Variants in UNC80 observed in about 807,000 individuals in gnomAD.
UNC80 encodes unc-80 subunit of NALCN channel complex, also known as protein unc-80 homolog.
A neutral mutation model predicts 384.6 loss-of-function variants in UNC80; 164 were observed. That is an observed-to-expected ratio of 0.43 (90% confidence interval 0.38 to 0.49). UNC80 has a LOEUF of 0.49. UNC80 is among the 20% of genes least tolerant of loss of function. The pLI is 0.00. For synonymous variants in UNC80, 1,486 were observed against 1,527.8 expected (o/e 0.97, Z 0.64); for missense variants, 3,330 against 4,143.0 (o/e 0.80, Z 5.39).
chr2:209,841,653 C>G (rs1162242048), intron 20 of UNC80, among the ~76,000 whole-genome samples: 1 of 152,042 alleles, frequency 6.6e-6, no homozygotes, highest in Non-Finnish European at 1.5e-5. Flanking sequence ...CCCAGCCAAA[C>G]CAGTTTTCTT....
chr2:209,946,873 A>T (rs2091938244), intron 47 of UNC80, among the ~76,000 whole-genome samples: 2 of 152,214 alleles, frequency 1.3e-5, no homozygotes, highest in Non-Finnish European at 2.9e-5. Context: ...TCTCTCTCCC[A>T]TAAGAGAATG....
At chr2:209,946,072 A>G (rs2091900282) in intron 47 of UNC80, 129 bp downstream of exon 47, 1 of 717,058 alleles carries the variant, frequency 1.4e-6, no homozygotes, top group Non-Finnish European at 2.3e-6. Flanking sequence ...TTTAGAAACT[A>G]AATTTAGGCC....
intron 31 of UNC80, among the ~76,000 whole-genome samples, chr2:209,916,132 A>T (rs1559323879): frequency 6.6e-6 from 1 of 152,240 alleles, no homozygotes; most frequent in Non-Finnish European, 1.5e-5. Flanking sequence ...CCAAAGTTAG[A>T]GGTAAACATG....
chr2:209,843,051 T>C (rs1331956469), intron 21 of UNC80, among the ~76,000 whole-genome samples: 3 of 152,194 alleles, frequency 2.0e-5, no homozygotes, highest in African/African-American at 7.2e-5. Flanking sequence ...TCGTGTTCTC[T>C]CTTTTGATCT....
chr2:209,909,865 A>G (rs1392358194), intron 29 of UNC80, among the ~76,000 whole-genome samples: 1 of 151,976 alleles, frequency 6.6e-6, no homozygotes, highest in Non-Finnish European at 1.5e-5. Flanking sequence ...AGGCTGCATA[A>G]CTGCCTCCCA....
intron 25 of UNC80, among the ~76,000 whole-genome samples, chr2:209,886,469 A>G (rs901188988): frequency 1.3e-5 from 2 of 152,120 alleles, no homozygotes; most frequent in African/African-American, 4.8e-5. Flanking sequence ...TATGATCTCT[A>G]GGATAAACAA....
intron 61 of UNC80, among the ~76,000 whole-genome samples, chr2:209,987,488 A>G (rs1259935041): frequency 6.6e-6 from 1 of 152,200 alleles, no homozygotes; most frequent in Admixed American, 6.5e-5. Flanking sequence ...TTCATTGTAG[A>G]TGTTCCTTCT....
At position 209,921,701 on chromosome 2, in the gene UNC80, C is replaced by G; in HGVS notation, c.5530+15C>G. 6.5e-7 allele frequency: 1 copy of G among 1,527,638 alleles called. No homozygotes were observed. The highest frequency in any genetic ancestry group is 8.8e-7 in the Non-Finnish European group (1 of 1,137,280). 94.6% of individuals were successfully genotyped at this position (1,527,638 alleles called of 1,614,324 possible). A position where few individuals can be genotyped will look rare whatever the true frequency, so the allele number is the denominator to read the frequency against. On this transcript the variant is annotated intron_variant, in intron 34 of 64. Transcript: ENST00000673920. ...GGAAGAAGAAGGTGCCCTCTGCACA[C>G]AGGACTTCTTGGGGGGCTGAGTCTC...
chr2:209,933,340 A>G (rs1398641334), intron 38 of UNC80, among the ~76,000 whole-genome samples: 4 of 152,038 alleles, frequency 2.6e-5, no homozygotes, highest in Non-Finnish European at 4.4e-5. Context: ...CATGACACAC[A>G]TTTACCTATG....
At chr2:209,910,101 C>A (rs1246374837) in intron 29 of UNC80, among the ~76,000 whole-genome samples, 1 of 150,932 alleles carries the variant, frequency 6.6e-6, no homozygotes, top group African/African-American at 2.4e-5. Flanking sequence ...AAACTCAAGA[C>A]TAGTAACCCA....
chr2:209,892,021 G>A (rs1163097710), intron 26 of UNC80, among the ~76,000 whole-genome samples: 1 of 152,276 alleles, frequency 6.6e-6, no homozygotes, highest in African/African-American at 2.4e-5. Flanking sequence ...TGTATGCAAA[G>A]GGCAAACAGG....
At chr2:209,789,821 A>G (rs1475181052) in intron 6 of UNC80, among the ~76,000 whole-genome samples, 3 of 151,978 alleles carry the variant, frequency 2.0e-5, no homozygotes, top group Admixed American at 6.6e-5. Flanking sequence ...AAATAAGACC[A>G]TATACGACTA....
intron 8 of UNC80, 51 bp from the exon 9 acceptor site, chr2:209,815,206 G>A (rs776621637): frequency 6.6e-6 from 10 of 1,524,596 alleles, no homozygotes; most frequent in Non-Finnish European, 8.9e-6. Flanking sequence ...AATAAGAACA[G>A]TATTTGGATG....
chr2:209,948,878 A>T (rs1354659952), intron 47 of UNC80, among the ~76,000 whole-genome samples: 1 of 152,114 alleles, frequency 6.6e-6, no homozygotes, highest in Non-Finnish European at 1.5e-5. Flanking sequence ...TCTGCCTTCT[A>T]TTCTTAGTTT....
At chr2:209,984,574 A>G (rs929285237) in intron 60 of UNC80, among the ~76,000 whole-genome samples, 1 of 152,054 alleles carries the variant, frequency 6.6e-6, no homozygotes. Context: ...TTCAGAGCCT[A>G]TGGGCCCATT....
At chr2:209,935,854 G>A (rs1272668082) in intron 40 of UNC80, 46 bp downstream of exon 40, 1 of 1,159,294 alleles carries the variant, frequency 8.6e-7, no homozygotes, top group Non-Finnish European at 1.2e-6. Context: ...ACAATGCTAT[G>A]GCCACCTCAC....
intron 42 of UNC80, among the ~76,000 whole-genome samples, chr2:209,939,174 C>G (rs963740659): frequency 6.6e-6 from 1 of 152,120 alleles, no homozygotes; most frequent in Admixed American, 6.5e-5. Flanking sequence ...CAAATGGGCT[C>G]TATTTAATAT....
Position 209,831,392 on chromosome 2 carries a change from T to C in UNC80, c.2627-51T>C, listed in dbSNP as rs112156045. ...CCAAGTACTGCCTTACTCCTACCCATTGTGTAGCTTAAAGGAAACATTGTC... is the reference window on the plus strand; with the variant it reads ...CCAAGTACTGCCTTACTCCTACCCACTGTGTAGCTTAAAGGAAACATTGTC... On this transcript the variant is annotated intron_variant, in intron 15 of 64. Coordinates refer to ENST00000673920, the MANE Select transcript of UNC80 (RefSeq NM_001371986.1). 3,742 of 1,512,320 alleles carry C rather than the reference T, an allele frequency of 2.5e-3. 79 individuals carry two copies. The African/African-American group carries it at 0.042, about 17-fold the overall frequency. The allele number at this position is 1,512,320 out of a possible 1,614,324, so 93.7% of individuals were successfully genotyped here.
At chr2:209,826,120 T>A in intron 14 of UNC80, 67 bp downstream of exon 14, 1 of 1,435,950 alleles carries the variant, frequency 7.0e-7, no homozygotes, top group Non-Finnish European at 9.3e-7. Flanking sequence ...GAATGAGTCC[T>A]TTGACAATGA....
Sources: gnomAD v4.1 joint callset for allele counts (sites outside exome capture counted in the v4.1 genomes callset) on GRCh38, gnomAD v4.1.1 for gene constraint, MANE v1.5 for transcripts, NCBI Gene and HGNC (gene_info 2026-07-23, HGNC 2026-07-21) for gene names.